GALNT3: variants seen among roughly 807,000 people sequenced by gnomAD.
The protein encoded by GALNT3 is GalNAc transferase 3.
A neutral mutation model predicts 69.8 loss-of-function variants in GALNT3; 51 were observed. The ratio of observed to expected loss-of-function variants is 0.73; its 90% CI spans 0.58 to 0.92. The LOEUF (loss-of-function observed/expected upper bound fraction) is 0.92, where lower values mean the gene tolerates loss of function less well. Among genes scored for constraint, GALNT3 ranks in the 40% least tolerant of loss-of-function variants. The pLI, the probability that GALNT3 is intolerant of heterozygous loss-of-function variation, is 0.00. For missense variants in GALNT3, 711 were observed against 760.0 expected (o/e 0.94, Z 0.76); for synonymous variants, 265 against 248.5 (o/e 1.07, Z -0.63).
chr2:165,765,711 A>T (rs1688626623), intron 2 of GALNT3, among the ~76,000 whole-genome samples: 1 of 152,070 alleles, frequency 6.6e-6, no homozygotes, highest in Non-Finnish European at 1.5e-5. Context: ...GATGGTCTCG[A>T]TCACCTGACC....
In GALNT3 at chr2:165,764,888, TACAC is replaced by T. The variant is rs1239263028; in HGVS notation, c.680_683del (p.Ser227LysfsTer9). The T allele has an allele frequency of 6.2e-7, 1 of 1,614,150 alleles. No homozygotes were observed. Among genetic ancestry groups the T allele is most frequent in the Non-Finnish European group, 8.5e-7 (1 of 1,179,970 alleles). On this transcript the variant is annotated frameshift_variant, in exon 3 of 11. Coordinates refer to ENST00000392701, the MANE Select transcript of GALNT3 (RefSeq NM_004482.4). LOFTEE classifies it high-confidence loss of function. The stretch of plus-strand genomic sequence containing the variant: ...AATTTGCATGTGCTTTCTTACCATC[TACAC>T]TAGCATCATCCACCAAAATGATTTC...
At chr2:165,767,091 TACCA>T (rs893692986) in intron 2 of GALNT3, among the ~76,000 whole-genome samples, 6 of 152,140 alleles carry the variant, frequency 3.9e-5, no homozygotes, top group Non-Finnish European at 8.8e-5. Context: ...TTGGATAAAC[TACCA>T]ATTAATAAAA....
chr2:165,769,736 C>T (rs1215647753), intron 2 of GALNT3, among the ~76,000 whole-genome samples: 1 of 152,112 alleles, frequency 6.6e-6, no homozygotes, highest in East Asian at 1.9e-4. Context: ...CTGTGAATTG[C>T]TTTACACATA....
chr2:165,755,809 C>T (rs1227511008), intron 7 of GALNT3, among the ~76,000 whole-genome samples: 2 of 152,106 alleles, frequency 1.3e-5, no homozygotes, highest in African/African-American at 4.8e-5. Context: ...AAAATATTTT[C>T]TTATGCCAAC....
At position 165,748,735 on chromosome 2, in the gene GALNT3, T is replaced by G; in HGVS notation, c.*46A>C. 1 of 1,555,194 alleles carries G rather than the reference T, an allele frequency of 6.4e-7. No individual in the cohort carries two copies. The highest frequency in any genetic ancestry group is 8.8e-7 in the Non-Finnish European group (1 of 1,139,010). On this transcript the variant is annotated 3_prime_UTR_variant, in exon 11 of 11. Coordinates refer to ENST00000392701, the MANE Select transcript of GALNT3 (RefSeq NM_004482.4). ...CTACAGTGTATGCCTAGTCACAGTTTTATGAGAAAGAATATTTCCTTTTTC... is the reference window on the plus strand; with the variant it reads ...CTACAGTGTATGCCTAGTCACAGTTGTATGAGAAAGAATATTTCCTTTTTC...
intron 3 of GALNT3, among the ~76,000 whole-genome samples, chr2:165,762,599 G>A (rs1688571831): frequency 6.6e-6 from 1 of 152,178 alleles, no homozygotes. Flanking sequence ...CCTACACAGA[G>A]TCAGCAGAAA....
intron 2 of GALNT3, among the ~76,000 whole-genome samples, chr2:165,767,869 C>CTTTTTTTTT (rs34044047): frequency 1.2e-5 from 1 of 82,464 alleles, no homozygotes; most frequent in Non-Finnish European, 2.2e-5. Flanking sequence ...AAAAACAAAT[C>CTTTTTTTTT]TTTTTTTTTT....
At chr2:165,794,367 G>C (rs1348788819), upstream of GALNT3, 2 of 152,340 alleles carry the variant, frequency 1.3e-5, no homozygotes, top group African/African-American at 4.8e-5. Flanking sequence ...CGCGCAGGGT[G>C]GGGGCGCCGT....
intron 3 of GALNT3, among the ~76,000 whole-genome samples, chr2:165,764,309 CTCAT>C (rs1688601403): frequency 6.6e-6 from 1 of 152,076 alleles, no homozygotes; most frequent in Non-Finnish European, 1.5e-5. Context: ...TTTATATTAA[CTCAT>C]TCAGTCTTTA....
chr2:165,751,467 G>C (rs1352134182), intron 9 of GALNT3, among the ~76,000 whole-genome samples: 3 of 152,154 alleles, frequency 2.0e-5, no homozygotes, highest in African/African-American at 7.2e-5. Context: ...GCTATACTTG[G>C]CTAAGAAAGA....
At chr2:165,757,703 C>G (rs570238785) in intron 6 of GALNT3, among the ~76,000 whole-genome samples, 1 of 151,974 alleles carries the variant, frequency 6.6e-6, no homozygotes, top group African/African-American at 2.4e-5. Flanking sequence ...ATTTTGTAAC[C>G]AAGAAAACAA....
Position 165,757,363 on chromosome 2 carries a change from T to C in GALNT3, c.1192-116A>G, listed in dbSNP as rs574830911. The C allele has an allele frequency of 1.4e-3, 1,285 of 937,108 alleles. 3 individuals carry two copies. Among genetic ancestry groups the C allele is most frequent in the Non-Finnish European group, 1.8e-3 (1,054 of 596,558 alleles). The allele number at this position is 937,108 out of a possible 1,614,324, so 58.0% of individuals were successfully genotyped here. A position where few individuals can be genotyped will look rare whatever the true frequency, so the allele number is the denominator to read the frequency against. ...CAAAATTAGAGAAGAGATTACAATA[T>C]TACAAATAGTCTCTGTCCCCTGCCA... On this transcript the variant is annotated intron_variant, in intron 6 of 10. Transcript: ENST00000392701.
intron 1 of GALNT3, among the ~76,000 whole-genome samples, chr2:165,791,927 T>C (rs1683361816): frequency 6.6e-6 from 1 of 152,026 alleles, no homozygotes; most frequent in Non-Finnish European, 1.5e-5. Flanking sequence ...GAAAGAGCAA[T>C]GGACAATTCT....
At chr2:165,778,724 C>T (rs1464793207) in intron 1 of GALNT3, among the ~76,000 whole-genome samples, 1 of 152,156 alleles carries the variant, frequency 6.6e-6, no homozygotes, top group Admixed American at 6.5e-5. Flanking sequence ...CCAGAAGAGG[C>T]CATTCACAGC....
chr2:165,777,504 C>T (rs75677674), intron 1 of GALNT3, among the ~76,000 whole-genome samples: 1,578 of 152,218 alleles, frequency 0.01, 12 homozygotes, highest in African/African-American at 0.025. Context: ...TTATTATGTG[C>T]CCCTCATCTA....
intron 1 of GALNT3, among the ~76,000 whole-genome samples, chr2:165,774,542 A>C (rs1688811582): frequency 6.6e-6 from 1 of 152,162 alleles, no homozygotes; most frequent in South Asian, 2.1e-4. Flanking sequence ...GGAATTGTTC[A>C]TCAGAATGAC....
chr2:165,761,827 GA>G lies in GALNT3; in HGVS notation c.838+77del, dbSNP rs572834775. 3.3e-4 allele frequency: 495 copies of G among 1,513,354 alleles called. 2 individuals carry two copies. The African/African-American group carries it at 5.9e-3, about 18-fold the overall frequency. The allele number at this position is 1,513,354 out of a possible 1,614,324, so 93.7% of individuals were successfully genotyped here. On this transcript the variant is annotated intron_variant, in intron 4 of 10. Transcript: ENST00000392701. ...AAAATGCAATTAGGCATTTAGAAAA[GA>G]AAAGACTTCCTTACCTTTTAAATTA...
intron 2 of GALNT3, 153 bp downstream of exon 2, chr2:165,770,033 T>C: frequency 1.1e-6 from 1 of 871,030 alleles, no homozygotes. Flanking sequence ...TCAATCATTA[T>C]AAGCAAAAAA....
At chr2:165,782,762 G>A (rs925885059) in intron 1 of GALNT3, among the ~76,000 whole-genome samples, 1 of 152,130 alleles carries the variant, frequency 6.6e-6, no homozygotes, top group Non-Finnish European at 1.5e-5. Context: ...CCAAAGCATA[G>A]TCTCTGGTAA....
Sources: allele counts gnomAD v4.1 joint callset (sites outside exome capture counted in the v4.1 genomes callset), GRCh38; gene constraint gnomAD v4.1.1; transcripts MANE v1.5; gene names NCBI Gene and HGNC (gene_info 2026-07-23, HGNC 2026-07-21).